The following DST variants were observed in gnomAD, a reference collection of about 807,000 sequenced individuals.
The protein encoded by DST is bullous pemphigoid antigen.
Under a neutral mutation model 875.2 loss-of-function variants are expected in DST, and 253 were observed. The ratio of observed to expected loss-of-function variants is 0.29; its 90% CI spans 0.26 to 0.32. The LOEUF (loss-of-function observed/expected upper bound fraction) is 0.32, where lower values mean the gene tolerates loss of function less well. Ranked by LOEUF, DST falls within the 10% of genes least tolerant of loss-of-function variation. The probability of loss-of-function intolerance (pLI) is 1.00; values close to 1 mark genes in which losing one functional copy is unlikely to be tolerated. For missense variants in DST, 8,287 were observed against 9,111.6 expected, an observed-to-expected ratio of 0.91 and a Z score of 3.68; for synonymous variants, 3,124 against 3,197.1, an observed-to-expected ratio of 0.98 and a Z score of 0.77.
At chr6:56,803,835 A>C (rs2099750124) in intron 4 of DST, among the ~76,000 whole-genome samples, 1 of 152,258 alleles carries the variant, frequency 6.6e-6, no homozygotes, top group South Asian at 2.1e-4. Flanking sequence ...TGAAAAGCAC[A>C]GATACAATTT....
At chr6:56,849,383 C>G (rs565097218) in intron 4 of DST, among the ~76,000 whole-genome samples, 2 of 152,124 alleles carry the variant, frequency 1.3e-5, no homozygotes, top group African/African-American at 4.8e-5. Context: ...GATCCGCCCA[C>G]GGGGGCCTCC....
rs773529209 is a variant in DST, at chr6:56,506,723, G to C, written c.19306C>G (p.Leu6436Val). The C allele has an allele frequency of 3.1e-6, 5 of 1,613,492 alleles. No homozygotes were observed. The African/African-American group carries it at 6.7e-5, about 22-fold the overall frequency. The change falls in exon 76 of 104, where the codon CTC becomes GTC. Residue 6436 changes from leucine to valine, a missense_variant. Coordinates refer to ENST00000680361, the MANE Select transcript of DST (RefSeq NM_001374736.1). The stretch of plus-strand genomic sequence containing the variant: ...TCAGGCTCCCCACATGCCGCAATGA[G>C]TTCAGAACCTAGGTTAATAACTATA... ...LDIVINLGSE[L>V]IAACGEPDKP...
chr6:56,729,607 CAAAAAA>C (rs569525896), intron 5 of DST, among the ~76,000 whole-genome samples: 2 of 63,766 alleles, frequency 3.1e-5, no homozygotes, highest in African/African-American at 5.5e-5. Flanking sequence ...AACTCCATCT[CAAAAAA>C]AAAAAAAAAA....
At chr6:56,643,500 T>C (rs2098924876) in intron 15 of DST, among the ~76,000 whole-genome samples, 1 of 152,224 alleles carries the variant, frequency 6.6e-6, no homozygotes. Context: ...AAATTTAATT[T>C]GTCTGTGCTT....
intron 78 of DST, among the ~76,000 whole-genome samples, chr6:56,502,687 T>C (rs1035630173): frequency 1.3e-5 from 2 of 152,050 alleles, no homozygotes; most frequent in Non-Finnish European, 2.9e-5. Context: ...TAATTGTACA[T>C]AAAGTATATC....
chr6:56,884,411 A>ATACAGGTGTATAAAATACACC (rs1783659034), intron 3 of DST, among the ~76,000 whole-genome samples: 1 of 152,144 alleles, frequency 6.6e-6, no homozygotes. Context: ...CCTGTATTTT[A>ATACAGGTGTATAAAATACACC]TGTAAATCTA....
intron 2 of DST, among the ~76,000 whole-genome samples, chr6:56,953,086 G>A (rs1206346581): frequency 2.6e-5 from 4 of 152,310 alleles, no homozygotes; most frequent in Admixed American, 6.5e-5. Flanking sequence ...GCCTGGCGGC[G>A]TGCAACTTTC....
At position 56,552,384 on chromosome 6, in the gene DST, T is replaced by G. The variant is rs777564615; in HGVS notation, c.16408A>C (p.Ser5470Arg). The G allele has an allele frequency of 1.2e-6, 2 of 1,613,996 alleles. No individual in the cohort carries two copies. The highest frequency in any genetic ancestry group is 2.2e-5 in the South Asian group (2 of 91,074). The change falls in exon 61 of 104, where the codon AGC becomes CGC. Residue 5470 changes from serine to arginine, a missense_variant. By Grantham distance (110) the Ser-to-Arg change is moderately radical. Around this residue, in one of 10 missense-constraint regions of DST, gnomAD observed 777 missense variants for 764.8 expected, o/e 1.02. Coordinates refer to ENST00000680361, the MANE Select transcript of DST (RefSeq NM_001374736.1). ...VGIKRDLEAL[S>R]KQCNKLLDRA... Reference sequence around the variant, plus strand: ...TCCAGTAACTTGTTGCATTGTTTGCTTAAGGCCTCCAAGTCCCTTTTGATT... The same window carrying G: ...TCCAGTAACTTGTTGCATTGTTTGCGTAAGGCCTCCAAGTCCCTTTTGATT...
At chr6:56,627,970 C>A (rs1480505384) in intron 33 of DST, 29 bp downstream of exon 33, 2 of 1,607,836 alleles carry the variant, frequency 1.2e-6, no homozygotes, top group Non-Finnish European at 1.7e-6. Context: ...GCAGACATAA[C>A]CTCAGTAGAG....
At chr6:56,615,715 A>C in intron 36 of DST, 1 of 1,614,136 alleles carries the variant, frequency 6.2e-7, no homozygotes. Flanking sequence ...GGACATCTAT[A>C]ATACCTACTT....
At chr6:56,831,960 C>G (rs892787795) in intron 4 of DST, among the ~76,000 whole-genome samples, 4 of 152,112 alleles carry the variant, frequency 2.6e-5, no homozygotes, top group Admixed American at 1.3e-4. Context: ...GTATTTCATT[C>G]CATTTACAGT....
At chr6:56,788,191 G>A (rs1206723874) in intron 4 of DST, among the ~76,000 whole-genome samples, 1 of 138,314 alleles carries the variant, frequency 7.2e-6, no homozygotes, top group African/African-American at 2.7e-5. Flanking sequence ...AGCAAGTATC[G>A]AAAGTATTAA....
intron 37 of DST, among the ~76,000 whole-genome samples, chr6:56,613,913 G>T (rs1454208874): frequency 1.3e-5 from 2 of 152,144 alleles, no homozygotes; most frequent in Non-Finnish European, 2.9e-5. Flanking sequence ...CAATAATCAA[G>T]AATGTTAATA....
intron 3 of DST, among the ~76,000 whole-genome samples, chr6:56,859,448 T>C (rs762951687): frequency 6.6e-6 from 1 of 152,090 alleles, no homozygotes; most frequent in Non-Finnish European, 1.5e-5. Flanking sequence ...ATTATAGAAA[T>C]AGAGACATCA....
chr6:56,921,465 G>C (rs1372293737), intron 2 of DST, among the ~76,000 whole-genome samples: 1 of 152,130 alleles, frequency 6.6e-6, no homozygotes, highest in Non-Finnish European at 1.5e-5. Context: ...CAAATATCGT[G>C]ATTAGTAAGA....
At chr6:56,472,778 C>T (rs2094960050) in intron 93 of DST, among the ~76,000 whole-genome samples, 1 of 152,212 alleles carries the variant, frequency 6.6e-6, no homozygotes, top group African/African-American at 2.4e-5. Flanking sequence ...ACTGAGATTG[C>T]ATGTTTCCTG....
intron 25 of DST, 24 bp from the exon 26 acceptor site, chr6:56,634,640 T>A: frequency 6.2e-7 from 1 of 1,613,836 alleles, no homozygotes; most frequent in Non-Finnish European, 8.5e-7. Context: ...AAGAGCAGAA[T>A]AACTCAATGA....
chr6:56,532,379 G>A lies in DST; in HGVS notation c.17073C>T (p.Ser5691=). The stretch of plus-strand genomic sequence containing the variant: ...CTTTATTAAGCAATGCCTCCCATCT[G>A]CTATCCAAGAGACTGAGCTGTTTCA... ...KILKQLSLLD[S]RWEALLNKAE... Residue 5691 remains serine, a synonymous_variant, in exon 64 of 104, where the codon AGC becomes AGT. Transcript: ENST00000680361. The A allele has an allele frequency of 6.2e-7, 1 of 1,613,610 alleles. No homozygotes were observed. Among genetic ancestry groups the A allele is most frequent in the Non-Finnish European group, 8.5e-7 (1 of 1,179,664 alleles).
chr6:56,827,783 G>C (rs752653637), intron 4 of DST, among the ~76,000 whole-genome samples: 6 of 152,156 alleles, frequency 3.9e-5, no homozygotes, highest in Admixed American at 6.5e-5. Context: ...GGAAGAGTTG[G>C]GGGGAATGTA....
Sources: allele counts gnomAD v4.1 joint callset (sites outside exome capture counted in the v4.1 genomes callset), GRCh38; gene constraint gnomAD v4.1.1; regional missense constraint gnomAD v4.1.1; transcripts MANE v1.5; gene names NCBI Gene and HGNC (gene_info 2026-07-23, HGNC 2026-07-21).